ALPK3: variants seen among roughly 807,000 people sequenced by gnomAD.
The protein encoded by ALPK3 is alpha-protein kinase 3.
ALPK3 carries 102 observed loss-of-function variants against 140.0 expected under a neutral mutation model. The ratio of observed to expected loss-of-function variants is 0.73; its 90% CI spans 0.62 to 0.86. The LOEUF is 0.86. ALPK3 is among the 40% of genes least tolerant of loss of function. The probability of loss-of-function intolerance (pLI) is 0.00; values close to 1 mark genes in which losing one functional copy is unlikely to be tolerated. For missense variants in ALPK3, 2,254 were observed against 2,208.2 expected, an observed-to-expected ratio of 1.02 and a Z score of -0.42; for synonymous variants, 938 against 898.5, an observed-to-expected ratio of 1.04 and a Z score of -0.79.
At chr15:84,843,409 A>T (rs1963689288) in intron 5 of ALPK3, among the ~76,000 whole-genome samples, 1 of 152,178 alleles carries the variant, frequency 6.6e-6, no homozygotes, top group South Asian at 2.1e-4. Flanking sequence ...TGGAGGTTGC[A>T]GTGAGCAATA....
At chr15:84,860,008 G>T (rs745377049) in intron 8 of ALPK3, 29 bp from the exon 9 acceptor site, 1 of 1,613,996 alleles carries the variant, frequency 6.2e-7, no homozygotes, top group Non-Finnish European at 8.5e-7. Flanking sequence ...CAGCCTGAAG[G>T]CACTGCTTTC....
At chr15:84,830,867 TTGTGTGTGTGTGTATG>T (rs1963538925) in intron 3 of ALPK3, among the ~76,000 whole-genome samples, 2 of 151,320 alleles carry the variant, frequency 1.3e-5, no homozygotes, top group Admixed American at 1.3e-4. Flanking sequence ...CCAACTTATT[TTGTGTGTGTGTGTATG>T]TGTGTGTGTG....
At chr15:84,853,221 G>A (rs549325978) in intron 5 of ALPK3, among the ~76,000 whole-genome samples, 1 of 152,150 alleles carries the variant, frequency 6.6e-6, no homozygotes, top group Non-Finnish European at 1.5e-5. Flanking sequence ...ATAAAAAAGA[G>A]GCTCTAATAT....
intron 5 of ALPK3, among the ~76,000 whole-genome samples, chr15:84,850,339 T>C (rs781372221): frequency 6.6e-6 from 1 of 152,170 alleles, no homozygotes; most frequent in Non-Finnish European, 1.5e-5. Context: ...ATGTGTTTGG[T>C]ACTGTGAAGA....
intron 9 of ALPK3, among the ~76,000 whole-genome samples, chr15:84,862,434 G>A (rs1012609282): frequency 6.6e-5 from 10 of 152,004 alleles, no homozygotes; most frequent in African/African-American, 2.2e-4. Flanking sequence ...AGATGGCAGG[G>A]GTTGAATCAA....
intron 3 of ALPK3, among the ~76,000 whole-genome samples, chr15:84,838,768 C>T (rs564562539): frequency 2.6e-5 from 4 of 152,028 alleles, no homozygotes; most frequent in Admixed American, 2.0e-4. Context: ...TACAGGAGCC[C>T]GCCACCACGT....
intron 4 of ALPK3, among the ~76,000 whole-genome samples, chr15:84,839,323 T>C (rs912345534): frequency 2.6e-5 from 4 of 152,180 alleles, no homozygotes; most frequent in Non-Finnish European, 5.9e-5. Flanking sequence ...GTCAAAGAGC[T>C]GGTGCAGCCA....
chr15:84,850,895 C>T (rs1963795840), intron 5 of ALPK3, among the ~76,000 whole-genome samples: 1 of 151,764 alleles, frequency 6.6e-6, no homozygotes, highest in South Asian at 2.1e-4. Context: ...CACACACACA[C>T]ACACACACAC....
intron 12 of ALPK3, among the ~76,000 whole-genome samples, chr15:84,867,082 C>T (rs1964010846): frequency 6.6e-6 from 1 of 151,882 alleles, no homozygotes; most frequent in African/African-American, 2.4e-5. Flanking sequence ...AGTAATAATC[C>T]AGAGACCTGC....
chr15:84,859,931 C>T (rs1252502505), intron 8 of ALPK3, 28 bp downstream of exon 8: 2 of 1,613,904 alleles, frequency 1.2e-6, no homozygotes, highest in Admixed American at 1.7e-5. Context: ...CCCGGGGTCT[C>T]AGCCTGGCCT....
In ALPK3 at chr15:84,860,880, GC is replaced by G. The variant is rs1405341594; in HGVS notation, c.4129+811del. On this transcript the variant is annotated intron_variant, in intron 9 of 13. Coordinates refer to ENST00000258888, the MANE Select transcript of ALPK3 (RefSeq NM_020778.5). ...TGGGATTACAGGCATGCACCACCAT[GC>G]CCAGCTCGTTTTTGTATTTTTAGTA... is the stretch of plus-strand genomic sequence containing the variant. 2.0e-5 allele frequency among the ~76,000 whole-genome samples: 3 copies of G among 152,204 alleles called. No individual in the cohort carries two copies. The East Asian group carries it at 5.8e-4, about 29-fold the overall frequency.
intron 11 of ALPK3, 103 bp downstream of exon 11, chr15:84,863,743 C>A: frequency 8.7e-7 from 1 of 1,152,028 alleles, no homozygotes; most frequent in South Asian, 1.5e-5. Context: ...TGCGTTATGC[C>A]CATGTGCAAA....
chr15:84,831,243 A>T (rs1458026631), intron 3 of ALPK3, among the ~76,000 whole-genome samples: 1 of 152,114 alleles, frequency 6.6e-6, no homozygotes, highest in East Asian at 1.9e-4. Context: ...GTATTTCGAT[A>T]TGGGTCTCTT....
intron 1 of ALPK3, among the ~76,000 whole-genome samples, chr15:84,821,355 G>T (rs1963421061): frequency 6.6e-6 from 1 of 152,192 alleles, no homozygotes; most frequent in Admixed American, 6.5e-5. Flanking sequence ...CCAACATGCA[G>T]GTGGAACTTG....
intron 13 of ALPK3, 106 bp downstream of exon 13, chr15:84,867,471 A>C: frequency 1.5e-6 from 2 of 1,311,372 alleles, no homozygotes; most frequent in Non-Finnish European, 2.2e-6. Context: ...CCTGGGGCCA[A>C]GTGGTCCCAG....
chr15:84,846,293 T>A (rs1029651594), intron 5 of ALPK3, among the ~76,000 whole-genome samples: 1 of 152,178 alleles, frequency 6.6e-6, no homozygotes, highest in African/African-American at 2.4e-5. Flanking sequence ...AAAAGTTACA[T>A]GGCATATGAA....
At chr15:84,852,799 A>C (rs1426187418) in intron 5 of ALPK3, among the ~76,000 whole-genome samples, 1 of 152,240 alleles carries the variant, frequency 6.6e-6, no homozygotes, top group African/African-American at 2.4e-5. Context: ...ATGATAAGCC[A>C]TTGAAAGGTT....
At chr15:84,855,232 G>A (rs1394430063) in intron 5 of ALPK3, among the ~76,000 whole-genome samples, 1 of 152,138 alleles carries the variant, frequency 6.6e-6, no homozygotes, top group African/African-American at 2.4e-5. Context: ...TATAACCTTG[G>A]GGTGACCTTT....
chr15:84,858,505 G>T lies in ALPK3; in HGVS notation c.3767G>T (p.Gly1256Val). Residue 1256 changes from glycine (G) to valine (V), a missense_variant, in exon 6 of 14, where the codon GGC becomes GTC. This residue lies in a region of ALPK3 where 2,088 missense variants were observed against 2,022.9 expected (regional missense o/e 1.03). Coordinates refer to ENST00000258888, the MANE Select transcript of ALPK3 (RefSeq NM_020778.5). ...GACACAGAGGTGGCCCTGGATGAAG[G>T]CAAGCAGGAGACACTGGCCAAGCCC... ...GLDTEVALDE[G>V]KQETLAKPRK... is the part of the protein sequence containing the mutation. The T allele has an allele frequency of 6.3e-7, 1 of 1,585,146 alleles. No individual in the cohort carries two copies.
Sources: allele counts gnomAD v4.1 joint callset (sites outside exome capture counted in the v4.1 genomes callset), GRCh38; gene constraint gnomAD v4.1.1; regional missense constraint gnomAD v4.1.1; transcripts MANE v1.5; gene names NCBI Gene and HGNC (gene_info 2026-07-23, HGNC 2026-07-21).